The following DGKI variants were observed in gnomAD, a reference collection of about 807,000 sequenced individuals.
DGKI encodes the protein DAG kinase iota.
Under a neutral mutation model 147.5 loss-of-function variants are expected in DGKI, and 55 were observed. The ratio of observed to expected loss-of-function variants is 0.37; its 90% CI spans 0.30 to 0.47. The LOEUF (loss-of-function observed/expected upper bound fraction) is 0.47. DGKI is among the 20% of genes least tolerant of loss of function. The pLI, the probability that DGKI is intolerant of heterozygous loss-of-function variation, is 1.00. For missense variants in DGKI, 1,007 were observed against 1,323.8 expected, an observed-to-expected ratio of 0.76 and a Z score of 3.71; for synonymous variants, 469 against 477.1, an observed-to-expected ratio of 0.98 and a Z score of 0.22.
intron 12 of DGKI, among the ~76,000 whole-genome samples, chr7:137,595,599 T>C (rs938160748): frequency 6.6e-6 from 1 of 152,166 alleles, no homozygotes; most frequent in Admixed American, 6.5e-5. Context: ...CTCTTTCCTC[T>C]TTATCTTTTA....
intron 1 of DGKI, among the ~76,000 whole-genome samples, chr7:137,818,626 A>G (rs1675447096): frequency 6.6e-6 from 1 of 152,086 alleles, no homozygotes; most frequent in African/African-American, 2.4e-5. Context: ...TATTTTTGGT[A>G]GTGACGGGGT....
At chr7:137,497,806 T>C (rs1563054301) in intron 21 of DGKI, among the ~76,000 whole-genome samples, 1 of 152,096 alleles carries the variant, frequency 6.6e-6, no homozygotes, top group Non-Finnish European at 1.5e-5. Context: ...CAGGGCCTCC[T>C]TGATGGTAGA....
At chr7:137,567,764 A>AT (rs1182937411) in intron 19 of DGKI, among the ~76,000 whole-genome samples, 1 of 152,190 alleles carries the variant, frequency 6.6e-6, no homozygotes, top group Non-Finnish European at 1.5e-5. Flanking sequence ...TATTATTTTC[A>AT]TTTTTTTAAA....
intron 30 of DGKI, among the ~76,000 whole-genome samples, chr7:137,404,925 T>G (rs1001807658): frequency 6.6e-6 from 1 of 152,172 alleles, no homozygotes; most frequent in Non-Finnish European, 1.5e-5. Flanking sequence ...ATGTGCCAGA[T>G]GAATTGATGC....
intron 3 of DGKI, among the ~76,000 whole-genome samples, chr7:137,657,259 A>C (rs189611687): frequency 1.3e-5 from 2 of 152,376 alleles, no homozygotes; most frequent in Admixed American, 1.3e-4. Context: ...AACAGGCCCT[A>C]TTCTTAATTC....
chr7:137,720,250 C>CTTTTTT (rs552382033), intron 1 of DGKI, among the ~76,000 whole-genome samples: 36 of 88,228 alleles, frequency 4.1e-4, no homozygotes, highest in South Asian at 9.8e-4. Context: ...TTGAAAAAAT[C>CTTTTTT]TTTTTTTTTT....
chr7:137,800,295 G>A (rs1425818086), intron 1 of DGKI, among the ~76,000 whole-genome samples: 1 of 152,124 alleles, frequency 6.6e-6, no homozygotes, highest in Non-Finnish European at 1.5e-5. Context: ...CAAATATCCT[G>A]TTGAAATGTA....
chr7:137,589,103 C>T (rs192177662), intron 12 of DGKI, among the ~76,000 whole-genome samples: 1 of 152,186 alleles, frequency 6.6e-6, no homozygotes, highest in Non-Finnish European at 1.5e-5. Flanking sequence ...ATTTTTGGAA[C>T]CTGTGGAGAT....
chr7:137,784,345 C>T (rs10954585), intron 1 of DGKI, among the ~76,000 whole-genome samples: 67,653 of 151,866 alleles, frequency 0.45, 17,689 homozygotes, highest in East Asian at 0.6. Context: ...GCAAAACAAA[C>T]TTTAAAGCAA....
Position 137,619,922 on chromosome 7 carries a change from AGG to A in DGKI, c.893_894del (p.Thr298MetfsTer8). 1 of 1,613,552 alleles carries A rather than the reference AGG, an allele frequency of 6.2e-7. No individual in the cohort carries two copies. The highest frequency in any genetic ancestry group is 8.5e-7 in the Non-Finnish European group (1 of 1,179,690). On this transcript the variant is annotated frameshift_variant, in exon 8 of 33. Coordinates refer to ENST00000614521, the MANE Select transcript of DGKI (RefSeq NM_001321708.2). LOFTEE classifies it high-confidence loss of function. ...TCTTCAATGTGATGCAGCATGAAGC[AGG>A]TCACCTTATTGTGAAACTGAAGAGA... ...WCKQAFHNKV[T>X]CFMLHHIEEP...
intron 28 of DGKI, among the ~76,000 whole-genome samples, chr7:137,435,425 A>C (rs796792571): frequency 3.9e-5 from 6 of 152,308 alleles, no homozygotes; most frequent in African/African-American, 1.4e-4. Context: ...ATGAAGGACA[A>C]TGAAGGTGCC....
In DGKI at chr7:137,529,221, G is replaced by A. The variant is rs531097715; in HGVS notation, c.2148-7255C>T. ...GTGAATGATGAGAAATTACTTAATG[G>A]GTACAACATATGCTATTTTGGTGAT... On this transcript the variant is annotated intron_variant, in intron 20 of 32. Transcript: ENST00000614521. 2.6e-5 allele frequency among the ~76,000 whole-genome samples: 4 copies of A among 151,950 alleles called. No homozygotes were observed. In the South Asian group the frequency reaches 8.3e-4, roughly 32 times the overall value.
At chr7:137,738,382 A>C (rs147459258) in intron 1 of DGKI, among the ~76,000 whole-genome samples, 131 of 152,270 alleles carry the variant, frequency 8.6e-4, no homozygotes, top group Middle Eastern at 3.4e-3. Flanking sequence ...ACAAAGGAGA[A>C]CTTTGGGCTA....
chr7:137,574,228 A>C (rs1452261139), intron 17 of DGKI, among the ~76,000 whole-genome samples: 6 of 152,220 alleles, frequency 3.9e-5, no homozygotes, highest in Non-Finnish European at 1.5e-5. Context: ...TTACAATTTT[A>C]AATAAACAAA....
intron 21 of DGKI, 71 bp downstream of exon 21, chr7:137,521,795 T>A: frequency 1.8e-6 from 2 of 1,142,836 alleles, no homozygotes; most frequent in Non-Finnish European, 1.3e-6. Flanking sequence ...AATCTACCCA[T>A]CAAACCAAGG....
chr7:137,573,540 G>A (rs1344459644), intron 17 of DGKI, among the ~76,000 whole-genome samples: 1 of 152,132 alleles, frequency 6.6e-6, no homozygotes, highest in Non-Finnish European at 1.5e-5. Context: ...AAGTAGCTGG[G>A]ATTACAGGTG....
chr7:137,756,228 T>C lies in DGKI; in HGVS notation c.402-66226A>G, dbSNP rs115574667. Among the ~76,000 whole-genome samples the C allele has an allele frequency of 7.8e-3, 1,187 of 152,240 alleles. 14 individuals carry two copies. Among genetic ancestry groups the C allele is most frequent in the African/African-American group, 0.027 (1,110 of 41,544 alleles). On this transcript the variant is annotated intron_variant, in intron 1 of 32. Coordinates refer to ENST00000614521, the MANE Select transcript of DGKI (RefSeq NM_001321708.2). ...TCTCATCAATAATCCAGACAGGAGA[T>C]AATATGCCAAGACCTGCTGTGCCCT... is the stretch of plus-strand genomic sequence containing the variant.
intron 28 of DGKI, among the ~76,000 whole-genome samples, chr7:137,423,267 A>G (rs1812651421): frequency 1.3e-5 from 2 of 152,316 alleles, no homozygotes; most frequent in South Asian, 4.1e-4. Flanking sequence ...ACTGTTACAG[A>G]GAAGCACAGA....
intron 20 of DGKI, among the ~76,000 whole-genome samples, chr7:137,532,749 G>C (rs1351826786): frequency 6.6e-6 from 1 of 152,066 alleles, no homozygotes; most frequent in Non-Finnish European, 1.5e-5. Flanking sequence ...TTAGCCAACT[G>C]GGAGGAAACC....
Sources: gnomAD v4.1 joint callset for allele counts (sites outside exome capture counted in the v4.1 genomes callset) on GRCh38, gnomAD v4.1.1 for gene constraint, MANE v1.5 for transcripts, NCBI Gene and HGNC (gene_info 2026-07-23, HGNC 2026-07-21) for gene names.